SGCD: variants seen among roughly 807,000 people sequenced by gnomAD.
SGCD encodes the protein delta-sarcoglycan.
Under a neutral mutation model 36.6 loss-of-function variants are expected in SGCD, and 18 were observed. The observed-to-expected ratio is 0.49, with a 90% confidence interval of 0.34 to 0.73. SGCD has a LOEUF of 0.73. Among genes scored for constraint, SGCD ranks in the 30% least tolerant of loss-of-function variants. The pLI is 0.01. For missense variants in SGCD, 387 were observed against 346.7 expected, an observed-to-expected ratio of 1.12 and a Z score of -0.92; for synonymous variants, 133 against 130.6, an observed-to-expected ratio of 1.02 and a Z score of -0.12.
intron 3 of SGCD, among the ~76,000 whole-genome samples, chr5:156,243,257 C>A (rs1412879705): frequency 6.6e-6 from 1 of 152,210 alleles, no homozygotes; most frequent in Non-Finnish European, 1.5e-5. Flanking sequence ...GGAACAGTGG[C>A]ACATGCGGGT....
At chr5:156,290,657 G>A (rs1766735145) in intron 3 of SGCD, among the ~76,000 whole-genome samples, 1 of 152,122 alleles carries the variant, frequency 6.6e-6, no homozygotes, top group African/African-American at 2.4e-5. Context: ...TTAAATGTTA[G>A]ATTTTACATA....
intron 1 of SGCD, among the ~76,000 whole-genome samples, chr5:156,055,211 T>C (rs1435200631): frequency 6.8e-6 from 1 of 146,346 alleles, no homozygotes; most frequent in Non-Finnish European, 1.5e-5. Context: ...CTTTCTTTCT[T>C]TCTTTTCTTT....
At chr5:155,804,685 C>A in the SGCD span, among the ~76,000 whole-genome samples, 1 of 152,200 alleles carries the variant, frequency 6.6e-6, no homozygotes, top group South Asian at 2.1e-4. Flanking sequence ...TCCGACCATA[C>A]CTTCTTACTC....
intron 3 of SGCD, among the ~76,000 whole-genome samples, chr5:156,391,169 G>C (rs753193217): frequency 6.6e-6 from 1 of 152,168 alleles, no homozygotes; most frequent in Non-Finnish European, 1.5e-5. Flanking sequence ...TTTCTGTTTA[G>C]ATACACAAAA....
the SGCD span, among the ~76,000 whole-genome samples, chr5:155,856,325 G>C: frequency 6.6e-6 from 1 of 152,008 alleles, no homozygotes; most frequent in South Asian, 2.1e-4. Context: ...AAGAGAAAAA[G>C]AATAACAAAG....
chr5:155,846,217 C>T, the SGCD span, among the ~76,000 whole-genome samples: 4 of 152,098 alleles, frequency 2.6e-5, no homozygotes, highest in Non-Finnish European at 5.9e-5. Context: ...TTTTCACAAA[C>T]GTAGAAAGCT....
chr5:156,098,533 A>T (rs922280376), intron 1 of SGCD, among the ~76,000 whole-genome samples: 1 of 151,986 alleles, frequency 6.6e-6, no homozygotes, highest in Admixed American at 6.6e-5. Flanking sequence ...TATATAGAGT[A>T]TTACACATGC....
At chr5:156,426,469 C>T (rs1773675785) in intron 3 of SGCD, among the ~76,000 whole-genome samples, 1 of 152,012 alleles carries the variant, frequency 6.6e-6, no homozygotes, top group East Asian at 1.9e-4. Flanking sequence ...GAATATTAAT[C>T]CCTTGTCGGA....
intron 3 of SGCD, among the ~76,000 whole-genome samples, chr5:156,270,016 T>G (rs1219938510): frequency 2.6e-5 from 4 of 152,236 alleles, no homozygotes; most frequent in Non-Finnish European, 5.9e-5. Flanking sequence ...GGTTTTACAT[T>G]TAAGTCTTTA....
intron 3 of SGCD, among the ~76,000 whole-genome samples, chr5:156,401,390 T>C (rs1168457498): frequency 6.6e-6 from 1 of 152,244 alleles, no homozygotes; most frequent in Non-Finnish European, 1.5e-5. Context: ...ACATCTTCTG[T>C]ATTCATTCAA....
chr5:156,315,235 A>T (rs1350936235), intron 3 of SGCD, among the ~76,000 whole-genome samples: 1 of 148,676 alleles, frequency 6.7e-6, no homozygotes, highest in East Asian at 2.0e-4. Context: ...CCTTGTAACC[A>T]CCATTCTACT....
chr5:156,487,837 C>CA lies in SGCD; in HGVS notation c.193-20758dup, dbSNP rs1215583492. 4.8e-5 allele frequency among the ~76,000 whole-genome samples: 3 copies of CA among 62,878 alleles called. 1 individual carries two copies. The highest frequency in any genetic ancestry group is 1.2e-4 in the Non-Finnish European group (3 of 26,032). The allele number at this position is 62,878 out of a possible 152,430, so 41.3% of individuals were successfully genotyped here. ...AAAAAGAAAGAAAGAAAAAGCTTAA[C>CA]AAAAAAGAAATCTATGAAATGCCCA... On this transcript the variant is annotated intron_variant, in intron 3 of 8. Transcript: ENST00000337851.
chr5:156,663,910 CCA>C, intron 7 of SGCD, among the ~76,000 whole-genome samples: 1 of 52,518 alleles, frequency 1.9e-5, no homozygotes. Flanking sequence ...TGGGAATGCC[CCA>C]GTTTGTTGTG....
At chr5:155,842,246 G>GTT in the SGCD span, among the ~76,000 whole-genome samples, 12,546 of 128,942 alleles carry the variant, frequency 0.097, 1,159 homozygotes, top group African/African-American at 0.22. Context: ...CATTTGAGGT[G>GTT]TTTTTTTTTT....
At chr5:155,985,946 C>A (rs1258239281) in intron 1 of SGCD, among the ~76,000 whole-genome samples, 3 of 152,102 alleles carry the variant, frequency 2.0e-5, no homozygotes, top group Non-Finnish European at 4.4e-5. Flanking sequence ...AGAAAGTTTA[C>A]TTTGAACTCT....
intron 6 of SGCD, among the ~76,000 whole-genome samples, chr5:156,621,848 A>C (rs1762263970): frequency 6.6e-6 from 1 of 152,230 alleles, no homozygotes; most frequent in Non-Finnish European, 1.5e-5. Context: ...ATTCCGTAGC[A>C]GGTGTTGTTC....
At chr5:155,759,611 A>G in the SGCD span, among the ~76,000 whole-genome samples, 2 of 152,174 alleles carry the variant, frequency 1.3e-5, no homozygotes, top group Non-Finnish European at 2.9e-5. Flanking sequence ...GGACGCACCA[A>G]CTTCTTTGAA....
chr5:155,990,669 A>G (rs1410894316), intron 1 of SGCD, among the ~76,000 whole-genome samples: 2 of 152,168 alleles, frequency 1.3e-5, no homozygotes, highest in African/African-American at 4.8e-5. Context: ...TCTATATTTA[A>G]TGGGATTGAT....
intron 1 of SGCD, among the ~76,000 whole-genome samples, chr5:155,995,437 G>A (rs971144049): frequency 1.1e-4 from 17 of 152,042 alleles, no homozygotes; most frequent in Admixed American, 3.3e-4. Context: ...TATTGAAATA[G>A]TACTACATTA....
Sources: gnomAD v4.1 joint callset for allele counts (sites outside exome capture counted in the v4.1 genomes callset) on GRCh38, gnomAD v4.1.1 for gene constraint, MANE v1.5 for transcripts, NCBI Gene and HGNC (gene_info 2026-07-23, HGNC 2026-07-21) for gene names.